Variants in THSD7B observed in about 807,000 individuals in gnomAD.
THSD7B encodes thrombospondin type-1 domain-containing protein 7B.
A neutral mutation model predicts 213.6 loss-of-function variants in THSD7B; 138 were observed. The observed-to-expected ratio is 0.65, with a 90% CI of 0.56 to 0.74. The LOEUF (loss-of-function observed/expected upper bound fraction) is 0.74, where lower values mean the gene tolerates loss of function less well. THSD7B is among the 30% of genes least tolerant of loss of function. The pLI, the probability that THSD7B is intolerant of heterozygous loss-of-function variation, is 0.00. For synonymous variants in THSD7B, 742 were observed against 687.0 expected (o/e 1.08, Z -1.25); for missense variants, 1,931 against 1,991.5 (o/e 0.97, Z 0.58).
rs572916260 is a variant in THSD7B at position 137,000,155 on chromosome 2, A to G, written c.140-56265A>G. ...AACACAGAGTTAGGATATAATTGAC[A>G]AGAGAAGTTCAGTTGCTATTATGCT... On this transcript the variant is annotated intron_variant, in intron 2 of 27. Coordinates refer to ENST00000409968, the MANE Select transcript of THSD7B (RefSeq NM_001316349.2). Among the ~76,000 whole-genome samples the G allele has an allele frequency of 1.6e-4, 25 of 152,288 alleles. No individual in the cohort carries two copies. In the East Asian group the frequency reaches 2.3e-3, roughly 14 times the overall value.
At chr2:137,306,550 T>C (rs1317540858) in intron 12 of THSD7B, among the ~76,000 whole-genome samples, 1 of 152,166 alleles carries the variant, frequency 6.6e-6, no homozygotes, top group Non-Finnish European at 1.5e-5. Context: ...TTTATTGTGA[T>C]AAGATATTTT....
At chr2:137,396,130 AT>A (rs1686179745) in intron 12 of THSD7B, among the ~76,000 whole-genome samples, 1 of 146,338 alleles carries the variant, frequency 6.8e-6, no homozygotes, top group Admixed American at 6.8e-5. Flanking sequence ...GGATTCATTA[AT>A]TTTTTGAAGG....
At chr2:137,250,123 A>T (rs2105072306) in intron 10 of THSD7B, among the ~76,000 whole-genome samples, 1 of 152,336 alleles carries the variant, frequency 6.6e-6, no homozygotes, top group African/African-American at 2.4e-5. Context: ...GACAAGTTTA[A>T]TTCTTGCCAG....
chr2:137,171,529 A>G (rs1413874831), intron 7 of THSD7B, among the ~76,000 whole-genome samples: 1 of 152,230 alleles, frequency 6.6e-6, no homozygotes. Flanking sequence ...GGTTATTTGA[A>G]ATGAAAGGTG....
At chr2:136,935,106 A>G (rs1336410060) in intron 2 of THSD7B, among the ~76,000 whole-genome samples, 1 of 152,232 alleles carries the variant, frequency 6.6e-6, no homozygotes, top group African/African-American at 2.4e-5. Context: ...TTAGAGGTTC[A>G]TATTCAGACT....
intron 24 of THSD7B, among the ~76,000 whole-genome samples, chr2:137,658,091 G>A (rs1303507095): frequency 6.6e-6 from 1 of 152,192 alleles, no homozygotes; most frequent in Non-Finnish European, 1.5e-5. Context: ...TTTACAGAGA[G>A]CTTGTGCAAG....
chr2:137,075,457 C>T (rs1276505177), intron 3 of THSD7B, among the ~76,000 whole-genome samples: 1 of 152,184 alleles, frequency 6.6e-6, no homozygotes, highest in African/African-American at 2.4e-5. Context: ...AAGGACTTCT[C>T]TGCATTGGTT....
At chr2:136,835,116 T>A (rs994945419) in intron 1 of THSD7B, among the ~76,000 whole-genome samples, 6 of 152,234 alleles carry the variant, frequency 3.9e-5, no homozygotes, top group African/African-American at 1.4e-4. Context: ...CTGGGGCATC[T>A]TCTAATTATC....
intron 1 of THSD7B, among the ~76,000 whole-genome samples, chr2:136,768,599 G>T (rs1454945457): frequency 1.3e-5 from 2 of 152,150 alleles, no homozygotes; most frequent in African/African-American, 4.8e-5. Flanking sequence ...AGAATTCTAA[G>T]TAGTGACAAC....
intron 15 of THSD7B, among the ~76,000 whole-genome samples, chr2:137,506,290 CTCT>C (rs1313375943): frequency 6.6e-6 from 1 of 152,178 alleles, no homozygotes; most frequent in Non-Finnish European, 1.5e-5. Context: ...CCTCAGATGC[CTCT>C]TCTTCAAAAA....
intron 2 of THSD7B, among the ~76,000 whole-genome samples, chr2:137,008,568 A>G (rs1289141198): frequency 6.6e-6 from 1 of 152,104 alleles, no homozygotes; most frequent in Non-Finnish European, 1.5e-5. Context: ...ATTAATTTTC[A>G]CTATACTGTT....
At chr2:137,058,457 T>C (rs928929614) in intron 3 of THSD7B, among the ~76,000 whole-genome samples, 3 of 152,192 alleles carry the variant, frequency 2.0e-5, no homozygotes. Context: ...TTTCTTTTTT[T>C]AATAGACTTG....
chr2:137,161,069 A>G lies in THSD7B; in HGVS notation c.1525+701A>G, dbSNP rs116341118. On this transcript the variant is annotated intron_variant, in intron 6 of 27. Coordinates refer to ENST00000409968, the MANE Select transcript of THSD7B (RefSeq NM_001316349.2). ...TTGATGTTATATTTTAGATTTTTGCAAGGGTCATTATGTATATTGTTTAGT... is the reference window on the plus strand; with the variant it reads ...TTGATGTTATATTTTAGATTTTTGCGAGGGTCATTATGTATATTGTTTAGT... Among the ~76,000 whole-genome samples, 9 of 152,284 alleles carry G rather than the reference A, an allele frequency of 5.9e-5. 1 individual carries two copies. Among genetic ancestry groups the G allele is most frequent in the African/African-American group, 2.2e-4 (9 of 41,554 alleles).
chr2:137,441,853 G>T (rs1687418651), intron 14 of THSD7B, among the ~76,000 whole-genome samples: 1 of 152,010 alleles, frequency 6.6e-6, no homozygotes, highest in Non-Finnish European at 1.5e-5. Flanking sequence ...TAATTTTTCT[G>T]CTAAAGTATC....
chr2:136,810,100 A>G (rs560601062), intron 1 of THSD7B, among the ~76,000 whole-genome samples: 24 of 152,280 alleles, frequency 1.6e-4, no homozygotes, highest in Non-Finnish European at 2.8e-4. Flanking sequence ...GACTCCGGGT[A>G]GTTAACGCAT....
chr2:137,547,609 C>G (rs1379241726), intron 15 of THSD7B, among the ~76,000 whole-genome samples: 1 of 151,980 alleles, frequency 6.6e-6, no homozygotes. Flanking sequence ...CTCCTTTCTC[C>G]TATTACAGCA....
At chr2:136,897,637 A>G (rs1285667119) in intron 2 of THSD7B, among the ~76,000 whole-genome samples, 2 of 152,258 alleles carry the variant, frequency 1.3e-5, no homozygotes, top group Non-Finnish European at 2.9e-5. Context: ...CTGCGGGCTC[A>G]GGTGGCCAGC....
chr2:136,790,353 A>G (rs1158818552), intron 1 of THSD7B, among the ~76,000 whole-genome samples: 1 of 152,014 alleles, frequency 6.6e-6, no homozygotes, highest in East Asian at 1.9e-4. Flanking sequence ...TAGTGCCCTG[A>G]CACTTCTACT....
At chr2:137,039,227 C>T (rs564894381) in intron 2 of THSD7B, among the ~76,000 whole-genome samples, 13 of 152,130 alleles carry the variant, frequency 8.5e-5, no homozygotes, top group Non-Finnish European at 1.6e-4. Flanking sequence ...GAATCTTCCC[C>T]TTATTACTGC....
Sources: gnomAD v4.1 joint callset for allele counts (sites outside exome capture counted in the v4.1 genomes callset) on GRCh38, gnomAD v4.1.1 for gene constraint, MANE v1.5 for transcripts, NCBI Gene and HGNC (gene_info 2026-07-23, HGNC 2026-07-21) for gene names.